OXR1: variants seen among roughly 807,000 people sequenced by gnomAD.
The protein encoded by OXR1 is oxidation resistance protein 1.
OXR1 carries 41 observed loss-of-function variants against 104.6 expected under a neutral mutation model. The ratio of observed to expected loss-of-function variants is 0.39; its 90% CI spans 0.31 to 0.51. The LOEUF (loss-of-function observed/expected upper bound fraction) is 0.51, where lower values mean the gene tolerates loss of function less well. Among genes scored for constraint, OXR1 ranks in the 20% least tolerant of loss-of-function variants. The probability of loss-of-function intolerance (pLI) is 0.77; values close to 1 mark genes in which losing one functional copy is unlikely to be tolerated. For missense variants in OXR1, 955 were observed against 1,031.9 expected (o/e 0.93, Z 1.02); for synonymous variants, 348 against 348.4 (o/e 1.00, Z 0.01).
Position 106,531,183 on chromosome 8 carries a change from C to T in OXR1, c.220+12044C>T, listed in dbSNP as rs145822099. On this transcript the variant is annotated intron_variant, in intron 3 of 16. Coordinates refer to ENST00000517566, the MANE Select transcript of OXR1 (RefSeq NM_001198533.2). ...ATAAGCCTCTTTCATAAATCTGAAC[C>T]TTCTGTCTTACAGAAAAAGACTAAT... 8.0e-4 allele frequency among the ~76,000 whole-genome samples: 122 copies of T among 152,246 alleles called. 1 individual carries two copies. Among genetic ancestry groups the T allele is most frequent in the Non-Finnish European group, 1.3e-3 (86 of 68,002 alleles).
At chr8:106,617,639 A>T (rs1821354331) in intron 3 of OXR1, among the ~76,000 whole-genome samples, 1 of 152,208 alleles carries the variant, frequency 6.6e-6, no homozygotes, top group South Asian at 2.1e-4. Context: ...AAACATCAAA[A>T]TTATGTTCTG....
chr8:106,472,010 T>A (rs1278209184), intron 2 of OXR1, among the ~76,000 whole-genome samples: 1 of 151,884 alleles, frequency 6.6e-6, no homozygotes, highest in Non-Finnish European at 1.5e-5. Context: ...CATTAGTTTT[T>A]CCACTACTGT....
intron 2 of OXR1, among the ~76,000 whole-genome samples, chr8:106,419,914 C>T (rs990303176): frequency 5.9e-5 from 9 of 152,044 alleles, no homozygotes; most frequent in African/African-American, 1.2e-4. Context: ...AATGCATACA[C>T]GTTATTTTAA....
intron 3 of OXR1, among the ~76,000 whole-genome samples, chr8:106,600,692 A>G (rs1460358952): frequency 6.6e-6 from 1 of 152,188 alleles, no homozygotes; most frequent in Non-Finnish European, 1.5e-5. Context: ...AGATATAGTC[A>G]GTTTCAGAAC....
At chr8:106,633,129 A>G (rs1822834425) in intron 3 of OXR1, among the ~76,000 whole-genome samples, 1 of 150,614 alleles carries the variant, frequency 6.6e-6, no homozygotes, top group Non-Finnish European at 1.5e-5. Context: ...GCTACTCGGG[A>G]GGCTGAGGCA....
At chr8:106,502,190 C>T (rs1811857777) in intron 2 of OXR1, among the ~76,000 whole-genome samples, 1 of 152,180 alleles carries the variant, frequency 6.6e-6, no homozygotes, top group South Asian at 2.1e-4. Flanking sequence ...AGGGCCTGTG[C>T]TTAGCAAGGC....
chr8:106,442,256 A>C (rs1424377565), intron 2 of OXR1, among the ~76,000 whole-genome samples: 1 of 152,172 alleles, frequency 6.6e-6, no homozygotes, highest in Non-Finnish European at 1.5e-5. Flanking sequence ...CATCCTAGGG[A>C]TGAAGCCAAG....
At chr8:106,344,676 A>G (rs766693052) in intron 1 of OXR1, among the ~76,000 whole-genome samples, 6 of 152,152 alleles carry the variant, frequency 3.9e-5, no homozygotes, top group Non-Finnish European at 5.9e-5. Flanking sequence ...AGGCAATTAC[A>G]TAGGATTCCG....
At chr8:106,746,792 T>TG (rs536371883) in intron 16 of OXR1, among the ~76,000 whole-genome samples, 63 of 151,860 alleles carry the variant, frequency 4.1e-4, no homozygotes, top group Middle Eastern at 3.4e-3. Flanking sequence ...TTATACCTTT[T>TG]GGGGGGGGTA....
intron 1 of OXR1, among the ~76,000 whole-genome samples, chr8:106,345,026 A>G (rs1014553844): frequency 1.3e-5 from 2 of 152,234 alleles, no homozygotes; most frequent in Non-Finnish European, 2.9e-5. Flanking sequence ...TGCACTTAAA[A>G]GAACATTTGC....
rs182800071 is a variant in OXR1, at chr8:106,403,788, A to G, written c.23+44152A>G. On this transcript the variant is annotated intron_variant, in intron 2 of 16. Coordinates refer to ENST00000517566, the MANE Select transcript of OXR1 (RefSeq NM_001198533.2). ...TATGTTCCTTTCACCATTATCCCAC[A>G]CCCTTAGTATCCATTCCCACACATG... Among the ~76,000 whole-genome samples, 32 of 152,050 alleles carry G rather than the reference A, an allele frequency of 2.1e-4. 1 individual carries two copies. Among genetic ancestry groups the G allele is most frequent in the Non-Finnish European group, 2.9e-5 (2 of 68,030 alleles).
intron 2 of OXR1, among the ~76,000 whole-genome samples, chr8:106,512,171 G>T (rs182806040): frequency 6.6e-6 from 1 of 152,090 alleles, no homozygotes; most frequent in East Asian, 1.9e-4. Context: ...GCAAGGAAAG[G>T]TTAAGAAAAT....
chr8:106,503,324 GAGA>G, intron 2 of OXR1, among the ~76,000 whole-genome samples: 1 of 152,160 alleles, frequency 6.6e-6, no homozygotes, highest in Non-Finnish European at 1.5e-5. Flanking sequence ...AGCTAAAACT[GAGA>G]AGGTACCTTT....
intron 2 of OXR1, among the ~76,000 whole-genome samples, chr8:106,425,281 C>A (rs1819068457): frequency 6.6e-6 from 1 of 151,738 alleles, no homozygotes; most frequent in Non-Finnish European, 1.5e-5. Flanking sequence ...CCAAGCTGGT[C>A]TGGAACTTCT....
At chr8:106,540,248 G>A (rs1814848273) in intron 3 of OXR1, among the ~76,000 whole-genome samples, 1 of 152,090 alleles carries the variant, frequency 6.6e-6, no homozygotes, top group Non-Finnish European at 1.5e-5. Context: ...AACACCCGAG[G>A]AGCAAAGATC....
At chr8:106,426,116 T>C (rs759484137) in intron 2 of OXR1, among the ~76,000 whole-genome samples, 1 of 152,180 alleles carries the variant, frequency 6.6e-6, no homozygotes, top group Non-Finnish European at 1.5e-5. Flanking sequence ...GCTTACTGTC[T>C]ATGTGACCAT....
intron 2 of OXR1, among the ~76,000 whole-genome samples, chr8:106,466,307 A>G (rs1821166661): frequency 6.6e-6 from 1 of 151,918 alleles, no homozygotes; most frequent in Non-Finnish European, 1.5e-5. Context: ...GGAAATATTA[A>G]TATTATTGTT....
intron 1 of OXR1, among the ~76,000 whole-genome samples, chr8:106,310,922 G>C (rs1338254994): frequency 6.6e-6 from 1 of 151,896 alleles, no homozygotes; most frequent in Non-Finnish European, 1.5e-5. Flanking sequence ...TATCCATTGT[G>C]TAAAATACTT....
chr8:106,695,016 G>A (rs1045887590), intron 7 of OXR1, among the ~76,000 whole-genome samples: 1 of 108,886 alleles, frequency 9.2e-6, no homozygotes, highest in Non-Finnish European at 1.9e-5. Context: ...ACTTTAAGTA[G>A]CATTATATAT....
Sources: allele counts gnomAD v4.1 joint callset (sites outside exome capture counted in the v4.1 genomes callset), GRCh38; gene constraint gnomAD v4.1.1; transcripts MANE v1.5; gene names NCBI Gene and HGNC (gene_info 2026-07-23, HGNC 2026-07-21).